Variants in GMDS observed in about 807,000 individuals in gnomAD.
GMDS encodes the protein GDP-mannose 4,6-dehydratase.
A neutral mutation model predicts 49.9 loss-of-function variants in GMDS; 20 were observed. That is an observed-to-expected ratio of 0.40 (90% CI 0.28 to 0.58). The LOEUF (loss-of-function observed/expected upper bound fraction) is 0.58. Among genes scored for constraint, GMDS ranks in the 20% least tolerant of loss-of-function variants. GMDS has a pLI of 0.42. For synonymous variants in GMDS, 177 were observed against 178.6 expected, an observed-to-expected ratio of 0.99 and a Z score of 0.07; for missense variants, 362 against 481.4, an observed-to-expected ratio of 0.75 and a Z score of 2.32.
intron 4 of GMDS, among the ~76,000 whole-genome samples, chr6:2,086,225 C>T (rs150071121): frequency 7.9e-4 from 121 of 152,312 alleles, no homozygotes; most frequent in African/African-American, 2.9e-3. Flanking sequence ...AGCAATTGTG[C>T]CTCCTGAGGC....
intron 9 of GMDS, among the ~76,000 whole-genome samples, chr6:1,634,588 C>G (rs540486268): frequency 3.3e-5 from 5 of 152,352 alleles, no homozygotes; most frequent in Non-Finnish European, 7.3e-5. Flanking sequence ...AGAACCCGCT[C>G]ACTTTGAACT....
At chr6:1,930,269 C>T in intron 6 of GMDS, 39 bp from the exon 7 acceptor site, 1 of 1,586,716 alleles carries the variant, frequency 6.3e-7, no homozygotes, top group Non-Finnish European at 8.6e-7. Flanking sequence ...GTCAAGTGCA[C>T]TTGACACATT....
At chr6:1,942,360 C>T (rs1762864049) in intron 6 of GMDS, among the ~76,000 whole-genome samples, 1 of 152,106 alleles carries the variant, frequency 6.6e-6, no homozygotes, top group Non-Finnish European at 1.5e-5. Context: ...ATGCAGATTC[C>T]CCAAAGCATG....
At chr6:1,741,840 A>AAAAAAG (rs1767284460) in intron 8 of GMDS, among the ~76,000 whole-genome samples, 1 of 148,876 alleles carries the variant, frequency 6.7e-6, no homozygotes, top group Non-Finnish European at 1.5e-5. Flanking sequence ...AAAAAAAAGA[A>AAAAAAG]GGTGCTTATA....
chr6:2,212,292 CTT>C (rs1439785908), intron 1 of GMDS, among the ~76,000 whole-genome samples: 4 of 152,162 alleles, frequency 2.6e-5, no homozygotes, highest in African/African-American at 9.7e-5. Context: ...TCAAGAAGGT[CTT>C]TGTCAAAAAC....
intron 1 of GMDS, among the ~76,000 whole-genome samples, chr6:2,217,063 G>A (rs766139531): frequency 5.9e-5 from 9 of 152,124 alleles, no homozygotes; most frequent in Non-Finnish European, 1.0e-4. Context: ...TGGCCTGAGC[G>A]CTCAGCACGT....
intron 4 of GMDS, among the ~76,000 whole-genome samples, chr6:1,962,849 G>A (rs1302646703): frequency 6.6e-6 from 1 of 150,422 alleles, no homozygotes; most frequent in African/African-American, 2.4e-5. Flanking sequence ...CCCATTATCA[G>A]GGTTGTCTTT....
chr6:1,989,611 T>C (rs1765797721), intron 4 of GMDS, among the ~76,000 whole-genome samples: 1 of 152,198 alleles, frequency 6.6e-6, no homozygotes, highest in African/African-American at 2.4e-5. Flanking sequence ...TCTGAGTACC[T>C]AGAACACTGT....
At chr6:2,151,849 A>G (rs1776861453) in intron 1 of GMDS, among the ~76,000 whole-genome samples, 1 of 152,144 alleles carries the variant, frequency 6.6e-6, no homozygotes, top group Non-Finnish European at 1.5e-5. Flanking sequence ...CAGGTAAGAA[A>G]TGGGTATATG....
intron 1 of GMDS, among the ~76,000 whole-genome samples, chr6:2,182,831 G>A (rs996713548): frequency 4.6e-5 from 7 of 151,986 alleles, no homozygotes; most frequent in South Asian, 4.2e-4. Context: ...TCAGCTTCCC[G>A]AGTAACTGGG....
At chr6:1,904,627 C>T (rs542390592) in intron 7 of GMDS, among the ~76,000 whole-genome samples, 5 of 152,312 alleles carry the variant, frequency 3.3e-5, no homozygotes, top group East Asian at 1.9e-4. Context: ...TGTCCTTGAG[C>T]GTGGGTTGTC....
intron 4 of GMDS, among the ~76,000 whole-genome samples, chr6:2,041,532 G>A (rs1441613685): frequency 1.3e-5 from 2 of 152,108 alleles, no homozygotes; most frequent in African/African-American, 2.4e-5. Context: ...GAACTGTTTC[G>A]ACTTTTAAAA....
chr6:1,720,743 C>A (rs1766353840), intron 9 of GMDS, among the ~76,000 whole-genome samples: 1 of 152,130 alleles, frequency 6.6e-6, no homozygotes, highest in Admixed American at 6.5e-5. Flanking sequence ...CTGGCTCCCG[C>A]TGGTCAGAGA....
At chr6:2,020,160 T>A (rs1768188734) in intron 4 of GMDS, among the ~76,000 whole-genome samples, 1 of 152,214 alleles carries the variant, frequency 6.6e-6, no homozygotes, top group South Asian at 2.1e-4. Flanking sequence ...TATGTATGAC[T>A]GATGCTGCAT....
At chr6:1,965,506 T>C (rs905485176) in intron 4 of GMDS, among the ~76,000 whole-genome samples, 10 of 152,126 alleles carry the variant, frequency 6.6e-5, no homozygotes, top group Non-Finnish European at 7.4e-5. Context: ...GAACAGTACA[T>C]TGTGGCTGAT....
intron 7 of GMDS, among the ~76,000 whole-genome samples, chr6:1,835,697 C>A (rs1355089545): frequency 1.3e-5 from 2 of 151,974 alleles, no homozygotes; most frequent in East Asian, 1.9e-4. Flanking sequence ...TTGTGAGGAA[C>A]CATGAATAAA....
chr6:2,095,081 T>C (rs953225681), intron 4 of GMDS, among the ~76,000 whole-genome samples: 3 of 152,160 alleles, frequency 2.0e-5, no homozygotes, highest in African/African-American at 7.2e-5. Context: ...AGGTTTACAA[T>C]ATAGCACAGA....
intron 7 of GMDS, among the ~76,000 whole-genome samples, chr6:1,863,414 CTAAGG>C (rs1758286665): frequency 6.6e-6 from 1 of 152,096 alleles, no homozygotes; most frequent in South Asian, 2.1e-4. Context: ...CTGTAAAACT[CTAAGG>C]TATTATGTAA....
At chr6:1,977,635 A>C (rs1291023069) in intron 4 of GMDS, among the ~76,000 whole-genome samples, 3 of 152,212 alleles carry the variant, frequency 2.0e-5, no homozygotes, top group Non-Finnish European at 4.4e-5. Flanking sequence ...AGGGTGGGGC[A>C]ATGGCCCACC....
Sources: allele counts gnomAD v4.1 joint callset (sites outside exome capture counted in the v4.1 genomes callset), GRCh38; gene constraint gnomAD v4.1.1; transcripts MANE v1.5; gene names NCBI Gene and HGNC (gene_info 2026-07-23, HGNC 2026-07-21).